Variants in PRDM5 observed in about 807,000 individuals in gnomAD.
PRDM5 encodes PR/SET domain 5.
A neutral mutation model predicts 81.2 loss-of-function variants in PRDM5; 56 were observed. The ratio of observed to expected loss-of-function variants is 0.69; its 90% CI spans 0.56 to 0.86. The LOEUF is 0.86. Among genes scored for constraint, PRDM5 ranks in the 40% least tolerant of loss-of-function variants. The pLI, the probability that PRDM5 is intolerant of heterozygous loss-of-function variation, is 0.00. For missense variants in PRDM5, 697 were observed against 770.1 expected, an observed-to-expected ratio of 0.91 and a Z score of 1.12; for synonymous variants, 267 against 256.4, an observed-to-expected ratio of 1.04 and a Z score of -0.39.
chr4:120,899,945 T>C (rs994479498), intron 2 of PRDM5, among the ~76,000 whole-genome samples: 11 of 152,148 alleles, frequency 7.2e-5, no homozygotes, highest in Non-Finnish European at 1.3e-4. Flanking sequence ...GGTATATTAA[T>C]AAGGGATATT....
intron 2 of PRDM5, among the ~76,000 whole-genome samples, chr4:120,901,511 C>T (rs1408436573): frequency 3.3e-5 from 5 of 152,098 alleles, no homozygotes; most frequent in Non-Finnish European, 5.9e-5. Context: ...CTGCAGGTGA[C>T]GCACACGGCT....
intron 3 of PRDM5, chr4:120,839,413 G>T (rs1757738546): frequency 6.2e-6 from 4 of 644,732 alleles, no homozygotes; most frequent in Non-Finnish European, 1.1e-5. Flanking sequence ...GAGCATTCAG[G>T]CTGCTAGCAG....
intron 12 of PRDM5, 90 bp downstream of exon 12, chr4:120,781,049 AGATT>A: frequency 1.9e-6 from 2 of 1,063,624 alleles, no homozygotes; most frequent in Non-Finnish European, 2.8e-6. Flanking sequence ...ATATTTTGAT[AGATT>A]AATATATAAT....
intron 3 of PRDM5, among the ~76,000 whole-genome samples, chr4:120,851,644 GAT>G (rs1759290796): frequency 6.6e-6 from 1 of 152,054 alleles, no homozygotes; most frequent in South Asian, 2.1e-4. Flanking sequence ...TAGTCACATT[GAT>G]TATCTAATAC....
intron 3 of PRDM5, among the ~76,000 whole-genome samples, chr4:120,852,633 G>A (rs932458287): frequency 1.3e-5 from 2 of 151,826 alleles, no homozygotes; most frequent in African/African-American, 2.4e-5. Flanking sequence ...TATAATCATT[G>A]TGAGGTAATC....
chr4:120,755,563 T>C (rs1301790893), intron 13 of PRDM5, among the ~76,000 whole-genome samples: 2 of 152,186 alleles, frequency 1.3e-5, no homozygotes, highest in Non-Finnish European at 2.9e-5. Context: ...CTCTACTCTC[T>C]CATGTTCCAT....
intron 5 of PRDM5, among the ~76,000 whole-genome samples, chr4:120,817,854 C>T (rs1754745341): frequency 6.6e-6 from 1 of 152,122 alleles, no homozygotes; most frequent in African/African-American, 2.4e-5. Context: ...TAACTGGGAC[C>T]TATGCATCTT....
chr4:120,700,963 A>G (rs1286576263), intron 15 of PRDM5, among the ~76,000 whole-genome samples: 3 of 152,116 alleles, frequency 2.0e-5, no homozygotes, highest in Admixed American at 6.6e-5. Flanking sequence ...TGTCTCTACT[A>G]CAAATACAAA....
intron 14 of PRDM5, among the ~76,000 whole-genome samples, chr4:120,736,121 A>C (rs1368694653): frequency 2.0e-5 from 3 of 151,982 alleles, no homozygotes; most frequent in Non-Finnish European, 2.9e-5. Flanking sequence ...TGTTCCACTT[A>C]AGATAATGGC....
At chr4:120,777,909 G>A (rs1469977663) in intron 12 of PRDM5, among the ~76,000 whole-genome samples, 1 of 152,032 alleles carries the variant, frequency 6.6e-6, no homozygotes, top group Admixed American at 6.6e-5. Context: ...AGCAAGTTTC[G>A]ATAAATGCTG....
intron 3 of PRDM5, among the ~76,000 whole-genome samples, chr4:120,848,602 G>GT (rs993414998): frequency 7.9e-5 from 12 of 152,158 alleles, no homozygotes; most frequent in African/African-American, 2.9e-4. Context: ...CTGGCATGCA[G>GT]TAAGCATTCA....
intron 3 of PRDM5, among the ~76,000 whole-genome samples, chr4:120,843,730 C>A (rs1758323470): frequency 6.6e-6 from 1 of 150,844 alleles, no homozygotes; most frequent in South Asian, 2.1e-4. Flanking sequence ...AAGAAAGAAT[C>A]AGCCTGCACA....
At chr4:120,703,255 A>G (rs1313399550) in intron 15 of PRDM5, among the ~76,000 whole-genome samples, 2 of 152,102 alleles carry the variant, frequency 1.3e-5, no homozygotes, top group Non-Finnish European at 2.9e-5. Context: ...GTCTGATCAT[A>G]GCTCACTGCA....
intron 14 of PRDM5, among the ~76,000 whole-genome samples, chr4:120,721,844 A>G (rs1408858427): frequency 6.6e-6 from 1 of 152,220 alleles, no homozygotes; most frequent in East Asian, 1.9e-4. Context: ...TAACATGGGA[A>G]GGCCATCACT....
intron 10 of PRDM5, among the ~76,000 whole-genome samples, chr4:120,794,266 T>C (rs2149271936): frequency 6.6e-6 from 1 of 152,110 alleles, no homozygotes; most frequent in South Asian, 2.1e-4. Flanking sequence ...GTGGCTGTGC[T>C]CTAACTGTTG....
chr4:120,720,236 AC>A (rs1738401086), intron 14 of PRDM5, among the ~76,000 whole-genome samples: 1 of 152,198 alleles, frequency 6.6e-6, no homozygotes, highest in Non-Finnish European at 1.5e-5. Context: ...AAAGAGAGCT[AC>A]AGACAGGGGC....
intron 4 of PRDM5, 140 bp downstream of exon 4, chr4:120,821,031 A>G: frequency 1.0e-6 from 1 of 1,004,446 alleles, no homozygotes; most frequent in Non-Finnish European, 1.6e-6. Context: ...ACCACAGGAT[A>G]CCCTCGAGAA....
At chr4:120,702,522 T>C (rs1735535261) in intron 15 of PRDM5, among the ~76,000 whole-genome samples, 1 of 152,202 alleles carries the variant, frequency 6.6e-6, no homozygotes, top group Admixed American at 6.5e-5. Context: ...TATTTTTTTA[T>C]GTCTGTCTCC....
intron 8 of PRDM5, among the ~76,000 whole-genome samples, chr4:120,803,013 T>A (rs1045666905): frequency 6.6e-6 from 1 of 151,980 alleles, no homozygotes; most frequent in African/African-American, 2.4e-5. Context: ...AGTCCTTAAA[T>A]GACCTGATGG....
Sources: allele counts gnomAD v4.1 joint callset (sites outside exome capture counted in the v4.1 genomes callset), GRCh38; gene constraint gnomAD v4.1.1; transcripts MANE v1.5; gene names NCBI Gene and HGNC (gene_info 2026-07-23, HGNC 2026-07-21).